The following SIM2 variants were observed in gnomAD, a reference collection of about 807,000 sequenced individuals.
The protein encoded by SIM2 is SIM bHLH transcription factor 2.
In SIM2, 28 loss-of-function variants were observed where a neutral mutation model predicts 64.8. That is an observed-to-expected ratio of 0.43 (90% CI 0.32 to 0.59). The LOEUF (loss-of-function observed/expected upper bound fraction) is 0.59, where lower values mean the gene tolerates loss of function less well. Ranked by LOEUF, SIM2 falls within the 20% of genes least tolerant of loss-of-function variation. SIM2 has a pLI of 0.07. For synonymous variants in SIM2, 408 were observed against 391.1 expected, an observed-to-expected ratio of 1.04 and a Z score of -0.51; for missense variants, 847 against 871.4, an observed-to-expected ratio of 0.97 and a Z score of 0.35.
intron 3 of SIM2, among the ~76,000 whole-genome samples, chr21:36,716,945 A>C (rs539427138): frequency 7.2e-5 from 11 of 152,170 alleles, no homozygotes; most frequent in Admixed American, 2.6e-4. Flanking sequence ...ACACCATGTC[A>C]ACCATAATTT....
At chr21:36,713,558 A>G (rs1030548070) in intron 3 of SIM2, among the ~76,000 whole-genome samples, 2 of 152,244 alleles carry the variant, frequency 1.3e-5, no homozygotes, top group Non-Finnish European at 2.9e-5. Flanking sequence ...AGAATTAATG[A>G]TAGATACAGA....
chr21:36,728,464 G>T (rs1248618826), intron 6 of SIM2, among the ~76,000 whole-genome samples: 1 of 152,230 alleles, frequency 6.6e-6, no homozygotes. Flanking sequence ...AGCGCCAGAG[G>T]GGGCTCCCGC....
In SIM2 at chr21:36,712,540, A is replaced by G; in HGVS notation, c.266A>G (p.Asp89Gly). 8 of 1,608,516 alleles carry G rather than the reference A, an allele frequency of 5.0e-6. No individual in the cohort carries two copies. Among genetic ancestry groups the G allele is most frequent in the Non-Finnish European group, 6.8e-6 (8 of 1,175,114 alleles). ...ACACTTTATCTTTTACAGACTTTGG[A>G]TGGATTTGTTTTTGTGGTAGCATCT... ...ELGSHLLQTLDGFVFVVASDG... is the reference protein window; with the variant it reads ...ELGSHLLQTLGGFVFVVASDG... Residue 89 changes from aspartate to glycine, a missense_variant, in exon 3 of 11, where the codon GAT (aspartate) becomes GGT (glycine). Coordinates refer to ENST00000290399, the MANE Select transcript of SIM2 (RefSeq NM_005069.6).
At chr21:36,719,319 C>T (rs528862109) in intron 3 of SIM2, among the ~76,000 whole-genome samples, 49 of 152,272 alleles carry the variant, frequency 3.2e-4, no homozygotes, top group African/African-American at 5.1e-4. Context: ...CCTCCTCGGG[C>T]GCAGTGGCGC....
At chr21:36,706,268 G>T (rs2088579931) in intron 1 of SIM2, among the ~76,000 whole-genome samples, 1 of 152,192 alleles carries the variant, frequency 6.6e-6, no homozygotes, top group Non-Finnish European at 1.5e-5. Context: ...ATTTCTCCCT[G>T]GGGGTCCCAG....
Position 36,719,807 on chromosome 21 carries a change from C to T in SIM2, c.349-14C>T. 6.4e-7 allele frequency: 1 copy of T among 1,554,186 alleles called. No homozygotes were observed. Among genetic ancestry groups the T allele is most frequent in the Non-Finnish European group, 8.9e-7 (1 of 1,125,990 alleles). ...AGAGGCGGTGGCATTTCTGACCCTT[C>T]CCTTCCACGGCAGGTGGAGCTCACG... is the stretch of plus-strand genomic sequence containing the variant. On this transcript the variant is annotated splice_polypyrimidine_tract_variant and intron_variant, in intron 3 of 10. Transcript: ENST00000290399.
At chr21:36,705,232 CAAT>C (rs1361204619) in intron 1 of SIM2, among the ~76,000 whole-genome samples, 1 of 152,224 alleles carries the variant, frequency 6.6e-6, no homozygotes, top group Non-Finnish European at 1.5e-5. Flanking sequence ...TCCAGGATCC[CAAT>C]ATGTGCTTGC....
chr21:36,722,168 C>T (rs941035059), intron 4 of SIM2, among the ~76,000 whole-genome samples: 21 of 152,204 alleles, frequency 1.4e-4, no homozygotes, highest in African/African-American at 4.6e-4. Flanking sequence ...TTCCACCCAC[C>T]GTGCTTGTCT....
At chr21:36,725,269 G>C (rs1289824420) in intron 5 of SIM2, among the ~76,000 whole-genome samples, 1 of 152,162 alleles carries the variant, frequency 6.6e-6, no homozygotes, top group Non-Finnish European at 1.5e-5. Flanking sequence ...AGGATCACTT[G>C]AGCCTGGGAG....
intron 3 of SIM2, among the ~76,000 whole-genome samples, chr21:36,715,802 C>A (rs1601692604): frequency 6.6e-6 from 1 of 152,126 alleles, no homozygotes; most frequent in Admixed American, 6.6e-5. Context: ...GGAAATGATT[C>A]TTTATGGGTT....
At position 36,745,619 on chromosome 21, in the gene SIM2, C is replaced by T; in HGVS notation, c.1576+483C>T. 1 of 1,120,812 alleles carries T rather than the reference C, an allele frequency of 8.9e-7. No individual in the cohort carries two copies. 69.4% of individuals were successfully genotyped at this position (1,120,812 alleles called of 1,614,324 possible). Reference sequence around the variant, plus strand: ...ATTTGTGGGCTTGGGGACAGAAATGCCACTCACCAACCCAGGGCAAAGAAC... The same window carrying T: ...ATTTGTGGGCTTGGGGACAGAAATGTCACTCACCAACCCAGGGCAAAGAAC... On this transcript the variant is annotated intron_variant, in intron 10 of 10. Transcript: ENST00000290399. This position sits in a 1 kb window ranked among gnomAD's most constrained non-coding sequence, Gnocchi z 4.8.
At chr21:36,739,841 A>T (rs2089131245) in intron 7 of SIM2, among the ~76,000 whole-genome samples, 1 of 152,060 alleles carries the variant, frequency 6.6e-6, no homozygotes, top group Non-Finnish European at 1.5e-5. Flanking sequence ...GGAGTTTGAG[A>T]CCAGCCTGGC....
In SIM2 at chr21:36,747,727, G is replaced by T; in HGVS notation, c.1639G>T (p.Gly547Cys). The T allele has an allele frequency of 1.6e-6, 2 of 1,262,556 alleles. No individual in the cohort carries two copies. The highest frequency in any genetic ancestry group is 1.0e-6 in the Non-Finnish European group (1 of 1,001,964). The allele number at this position is 1,262,556 out of a possible 1,614,324, so 78.2% of individuals were successfully genotyped here. Residue 547 changes from glycine to cysteine, a missense_variant, in exon 11 of 11, where the codon GGC becomes TGC. Around this residue, in one of 3 missense-constraint regions of SIM2, gnomAD observed 447 missense variants for 414.6 expected, o/e 1.08. Coordinates refer to ENST00000290399, the MANE Select transcript of SIM2 (RefSeq NM_005069.6). The surrounding 1 kb of genome is among the most constrained non-coding windows in gnomAD (Gnocchi z 4.5). Reference protein sequence around the residue: ...DTAPPSFPSCGHYREEPALGP... With the variant: ...DTAPPSFPSCCHYREEPALGP... The stretch of plus-strand genomic sequence containing the variant: ...CGCGCCCCCGAGCTTCCCGAGCTGC[G>T]GCCACTACCGCGAGGAGCCCGCGCT...
intron 2 of SIM2, among the ~76,000 whole-genome samples, chr21:36,712,240 G>A (rs572693894): frequency 1.3e-5 from 2 of 152,302 alleles, no homozygotes; most frequent in South Asian, 2.1e-4. Flanking sequence ...AAGCTACTAC[G>A]TTTAACCTGA....
intron 3 of SIM2, among the ~76,000 whole-genome samples, chr21:36,714,670 G>A (rs973361101): frequency 6.6e-6 from 1 of 152,142 alleles, no homozygotes; most frequent in Non-Finnish European, 1.5e-5. Context: ...GGAATGTCCT[G>A]GCCCATCAGG....
intron 7 of SIM2, 109 bp downstream of exon 7, chr21:36,731,260 T>G: frequency 2.8e-6 from 2 of 716,356 alleles, no homozygotes; most frequent in Non-Finnish European, 4.6e-6. Flanking sequence ...TCATCCATGA[T>G]ACACACTTGA....
At chr21:36,723,520 C>T (rs2088851268) in intron 5 of SIM2, among the ~76,000 whole-genome samples, 1 of 152,234 alleles carries the variant, frequency 6.6e-6, no homozygotes, top group Non-Finnish European at 1.5e-5. Flanking sequence ...GGATGCTCCA[C>T]CAAGTTCCCT....
In SIM2 at chr21:36,744,807, C is replaced by A. The variant is rs2089208197; in HGVS notation, c.1247C>A (p.Ala416Asp). The A allele has an allele frequency of 6.2e-7, 1 of 1,614,014 alleles. No homozygotes were observed. The highest frequency in any genetic ancestry group is 1.3e-5 in the African/African-American group (1 of 74,962). ...NWRASPPASA[A>D]APPELQPHSE... ...AGAGCCAGTCCCCCTGCAAGCGCTG[C>A]TGCTCCTCCAGAACTGCAGCCCCAC... The change falls in exon 10 of 11, where the codon GCT becomes GAT. Residue 416 changes from alanine to aspartate, a missense_variant. Ala to Asp is a moderately radical substitution (Grantham distance 126, BLOSUM62 -2). Coordinates refer to ENST00000290399, the MANE Select transcript of SIM2 (RefSeq NM_005069.6).
chr21:36,721,805 C>T (rs2088826039), intron 4 of SIM2, among the ~76,000 whole-genome samples: 1 of 152,144 alleles, frequency 6.6e-6, no homozygotes, highest in African/African-American at 2.4e-5. Flanking sequence ...TCATTTTACC[C>T]TGCCTGGGTC....
Sources: allele counts gnomAD v4.1 joint callset (sites outside exome capture counted in the v4.1 genomes callset), GRCh38; gene constraint gnomAD v4.1.1; regional missense constraint gnomAD v4.1.1; non-coding constraint Gnocchi (gnomAD v3.1); transcripts MANE v1.5; gene names NCBI Gene and HGNC (gene_info 2026-07-23, HGNC 2026-07-21).